Variants in RYR2 observed in about 807,000 individuals in gnomAD.
RYR2 encodes the protein ryanodine receptor 2, also known as cardiac muscle ryanodine receptor-calcium release channel.
RYR2 carries 227 observed loss-of-function variants against 601.1 expected under a neutral mutation model. The observed-to-expected ratio is 0.38, with a 90% CI of 0.34 to 0.42. The LOEUF is 0.42. Among genes scored for constraint, RYR2 ranks in the 10% least tolerant of loss-of-function variants. The pLI, the probability that RYR2 is intolerant of heterozygous loss-of-function variation, is 1.00. For synonymous variants in RYR2, 2,223 were observed against 2,175.1 expected (o/e 1.02, Z -0.61); for missense variants, 4,646 against 6,156.5 (o/e 0.75, Z 8.21).
chr1:237,326,523 G>A (rs1696189922), intron 2 of RYR2, among the ~76,000 whole-genome samples: 1 of 152,176 alleles, frequency 6.6e-6, no homozygotes, highest in South Asian at 2.1e-4. Context: ...ATGTGTAAGA[G>A]GCGGGTAGGT....
At chr1:237,651,898 G>A (rs539419239) in intron 51 of RYR2, among the ~76,000 whole-genome samples, 10 of 152,244 alleles carry the variant, frequency 6.6e-5, no homozygotes, top group East Asian at 5.8e-4. Flanking sequence ...TTAGCCGGAC[G>A]TGGTGGTGGG....
At position 237,786,161 on chromosome 1, in the gene RYR2, G is replaced by T. The variant is rs1156629984; in HGVS notation, c.13328+125G>T. 4.5e-6 allele frequency: 3 copies of T among 663,596 alleles called. No homozygotes were observed. The African/African-American group carries it at 5.5e-5, about 12-fold the overall frequency. The allele number at this position is 663,596 out of a possible 1,614,324, so 41.1% of individuals were successfully genotyped here. A position where few individuals can be genotyped will look rare whatever the true frequency, so the allele number is the denominator to read the frequency against. ...TTGTCAAGGAGCCACAGAACTAATT[G>T]TGCCATCTCCGTGGAGAGGCTCTGA... is the stretch of plus-strand genomic sequence containing the variant. On this transcript the variant is annotated intron_variant, in intron 91 of 104. Transcript: ENST00000366574.
At chr1:237,231,652 A>C (rs1373410223) in intron 1 of RYR2, among the ~76,000 whole-genome samples, 1 of 152,208 alleles carries the variant, frequency 6.6e-6, no homozygotes, top group East Asian at 1.9e-4. Context: ...TGAACATAGA[A>C]CATGGTTTAT....
chr1:237,414,826 G>A (rs986337044), intron 10 of RYR2, among the ~76,000 whole-genome samples: 1 of 152,156 alleles, frequency 6.6e-6, no homozygotes, highest in Admixed American at 6.5e-5. Flanking sequence ...TAGCAACATG[G>A]TTGAGCCTAG....
chr1:237,434,685 A>G (rs776974825), intron 12 of RYR2, among the ~76,000 whole-genome samples: 3 of 152,214 alleles, frequency 2.0e-5, no homozygotes, highest in Non-Finnish European at 4.4e-5. Context: ...GTGTACAATG[A>G]ATAGAAGTCT....
At chr1:237,359,788 A>G (rs1699620342) in intron 4 of RYR2, among the ~76,000 whole-genome samples, 2 of 152,202 alleles carry the variant, frequency 1.3e-5, no homozygotes, top group Admixed American at 1.3e-4. Flanking sequence ...TACACTTTAA[A>G]AGAGAATAAA....
chr1:237,420,171 G>A (rs192997414), intron 11 of RYR2, among the ~76,000 whole-genome samples: 8 of 152,142 alleles, frequency 5.3e-5, no homozygotes, highest in Admixed American at 2.6e-4. Context: ...TTTAATGTAG[G>A]GAGTTAAATT....
intron 1 of RYR2, among the ~76,000 whole-genome samples, chr1:237,127,362 T>C (rs867256378): frequency 0.062 from 8,989 of 145,192 alleles, 564 homozygotes; most frequent in African/African-American, 0.19. Context: ...TAGGGGCGGC[T>C]GGGCAGAGGC....
chr1:237,665,768 G>A (rs552245486), intron 56 of RYR2, among the ~76,000 whole-genome samples: 4 of 152,226 alleles, frequency 2.6e-5, no homozygotes, highest in East Asian at 3.9e-4. Context: ...GCATGATAAT[G>A]AGCTATATTT....
At chr1:237,434,825 G>C (rs112264401) in intron 12 of RYR2, among the ~76,000 whole-genome samples, 2 of 152,188 alleles carry the variant, frequency 1.3e-5, no homozygotes, top group East Asian at 3.9e-4. Context: ...ACTCAGACTG[G>C]AGTGCAGTGG....
chr1:237,440,064 T>G (rs1287160022), intron 12 of RYR2, among the ~76,000 whole-genome samples: 2 of 152,214 alleles, frequency 1.3e-5, no homozygotes, highest in Non-Finnish European at 2.9e-5. Context: ...AATTGATAAT[T>G]ATATATTTTC....
chr1:237,093,210 C>A (rs768963099), intron 1 of RYR2, among the ~76,000 whole-genome samples: 10 of 152,174 alleles, frequency 6.6e-5, no homozygotes, highest in Non-Finnish European at 1.3e-4. Context: ...TCCATAAGAT[C>A]ATCCAAGTAG....
intron 1 of RYR2, among the ~76,000 whole-genome samples, chr1:237,092,255 T>C (rs1667035113): frequency 6.6e-6 from 1 of 152,118 alleles, no homozygotes; most frequent in South Asian, 2.1e-4. Context: ...TAAGGTCAAA[T>C]AAAGGAATGT....
chr1:237,636,340 G>T (rs1360275825), intron 44 of RYR2, among the ~76,000 whole-genome samples: 1 of 152,006 alleles, frequency 6.6e-6, no homozygotes, highest in Non-Finnish European at 1.5e-5. Flanking sequence ...TAGACACTTA[G>T]TGCATGGCTG....
chr1:237,198,023 T>C (rs1254408494), intron 1 of RYR2, among the ~76,000 whole-genome samples: 1 of 152,172 alleles, frequency 6.6e-6, no homozygotes, highest in Non-Finnish European at 1.5e-5. Context: ...CACATGGACA[T>C]ATTTTTGCTA....
At chr1:237,380,459 A>G (rs1701411831) in intron 8 of RYR2, among the ~76,000 whole-genome samples, 1 of 124,696 alleles carries the variant, frequency 8.0e-6, no homozygotes, top group South Asian at 2.8e-4. Context: ...ACCTGGGCTA[A>G]TCATGTAACC....
At chr1:237,445,060 TAACTG>T (rs1708211333) in intron 13 of RYR2, among the ~76,000 whole-genome samples, 1 of 152,098 alleles carries the variant, frequency 6.6e-6, no homozygotes, top group Non-Finnish European at 1.5e-5. Context: ...TTTAAAATGA[TAACTG>T]AGATGGGCAA....
chr1:237,550,717 T>G, intron 27 of RYR2, 26 bp downstream of exon 27: 9 of 1,535,446 alleles, frequency 5.9e-6, no homozygotes, highest in Non-Finnish European at 7.9e-6. Context: ...TTTCCTCTTC[T>G]TCGGTTGCAA....
At chr1:237,219,770 C>T (rs1268497867) in intron 1 of RYR2, among the ~76,000 whole-genome samples, 2 of 152,184 alleles carry the variant, frequency 1.3e-5, no homozygotes, top group African/African-American at 4.8e-5. Context: ...AATCCAGCAT[C>T]AGAACAAGAG....
Sources: allele counts gnomAD v4.1 joint callset (sites outside exome capture counted in the v4.1 genomes callset), GRCh38; gene constraint gnomAD v4.1.1; transcripts MANE v1.5; gene names NCBI Gene and HGNC (gene_info 2026-07-23, HGNC 2026-07-21).